The following CELSR3 variants were observed in gnomAD, a reference collection of about 807,000 sequenced individuals.
CELSR3 encodes cadherin EGF LAG seven-pass G-type receptor 3, also known as EGF-like protein 1.
CELSR3 carries 73 observed loss-of-function variants against 270.0 expected under a neutral mutation model. That is an observed-to-expected ratio of 0.27 (90% CI 0.22 to 0.33). The LOEUF is 0.33. Among genes scored for constraint, CELSR3 ranks in the 10% least tolerant of loss-of-function variants. The pLI is 1.00. For synonymous variants in CELSR3, 1,780 were observed against 1,905.4 expected (o/e 0.93, Z 1.71); for missense variants, 3,614 against 4,533.8 (o/e 0.80, Z 5.83).
At position 48,655,411 on chromosome 3, in the gene CELSR3, T is replaced by TGTGGAATCATCAGGAGCA. The variant is rs773741438; in HGVS notation, c.4742-35_4742-18dup. 1.9e-6 allele frequency: 3 copies of TGTGGAATCATCAGGAGCA among 1,613,454 alleles called. No homozygotes were observed. The highest frequency in any genetic ancestry group is 2.7e-5 in the African/African-American group (2 of 75,006). ...TGGATTCACCTGGAGGGGAGATGCATGTGGAATCATCAGGAGCAGCGGAGT... is the reference window on the plus strand; with the variant it reads ...TGGATTCACCTGGAGGGGAGATGCATGTGGAATCATCAGGAGCAGTGGAATCATCAGGAGCAGCGGAGT... On this transcript the variant is annotated splice_polypyrimidine_tract_variant and intron_variant, in intron 4 of 34. Transcript: ENST00000164024. This position sits in a 1 kb window ranked among gnomAD's most constrained non-coding sequence, Gnocchi z 5.8.
Position 48,644,602 on chromosome 3 carries a change from C to T in CELSR3, c.8085+114G>A, listed in dbSNP as rs1163960640. The T allele has an allele frequency of 4.9e-6, 4 of 824,684 alleles. No homozygotes were observed. The highest frequency in any genetic ancestry group is 3.4e-5 in the African/African-American group (2 of 58,230). 51.1% of individuals were successfully genotyped at this position (824,684 alleles called of 1,614,324 possible). A position where few individuals can be genotyped will look rare whatever the true frequency, so the allele number is the denominator to read the frequency against. ...ACCAGAGGACAGAAAAAATGAAGGC[C>T]GAGCCCAGGAAGCCTGCAGAATGCC... On this transcript the variant is annotated intron_variant, in intron 26 of 34. Transcript: ENST00000164024. The surrounding 1 kb of genome is among the most constrained non-coding windows in gnomAD (Gnocchi z 4.8).
Position 48,641,950 on chromosome 3 carries a change from G to T in CELSR3, c.8725C>A (p.Pro2909Thr). Residue 2909 changes from proline to threonine, a missense_variant, in exon 32 of 35, where the codon CCA becomes ACA. Physicochemically the swap from Pro to Thr is conservative, Grantham distance 38. Transcript: ENST00000164024. This position sits in a 1 kb window ranked among gnomAD's most constrained non-coding sequence, Gnocchi z 4.8. ...CCATTGTCCTCGCTTTCTGAAGATG[G>T]AATGGAGAGACTCCTCTCCTCCTCC... ...SLEEERSLSI[P>T]SSESEDNGRT... 1.9e-6 allele frequency: 3 copies of T among 1,600,936 alleles called. 1 individual carries two copies. Among genetic ancestry groups the T allele is most frequent in the South Asian group, 2.2e-5 (2 of 89,368 alleles).
chr3:48,645,411 A>T lies in CELSR3; in HGVS notation c.7797+32T>A. On this transcript the variant is annotated intron_variant, in intron 24 of 34. Transcript: ENST00000164024. The surrounding 1 kb of genome is among the most constrained non-coding windows in gnomAD (Gnocchi z 5.4). ...GGCCTCCTGGGCCAGTAGGGTCATC[A>T]GGACACAAGTTCCCTGGCCCTGATC... The T allele has an allele frequency of 6.8e-6, 11 of 1,611,696 alleles. No homozygotes were observed. The highest frequency in any genetic ancestry group is 9.3e-6 in the Non-Finnish European group (11 of 1,178,936).
In CELSR3 at chr3:48,652,026, G is replaced by T. The variant is rs768711951; in HGVS notation, c.5774C>A (p.Pro1925His). 1 of 1,564,114 alleles carries T rather than the reference G, an allele frequency of 6.4e-7. No homozygotes were observed. Among genetic ancestry groups the T allele is most frequent in the Non-Finnish European group, 8.6e-7 (1 of 1,159,288 alleles). The change falls in exon 12 of 35, where the codon CCC becomes CAC. Residue 1925 changes from proline to histidine, a missense_variant. By Grantham distance (77) the Pro-to-His change is moderately conservative. Transcript: ENST00000164024. The surrounding 1 kb of genome is among the most constrained non-coding windows in gnomAD (Gnocchi z 4.3). ...GGGTAGCAGGGCCGGGGAGCCAGAGGGTGTGGAGCCGAGCCACACCCCCTG... is the reference window on the plus strand; with the variant it reads ...GGGTAGCAGGGCCGGGGAGCCAGAGTGTGTGGAGCCGAGCCACACCCCCTG... The part of the protein sequence containing the change: ...CIQGVWLGST[P>H]SGSPALLPPS...
At position 48,661,045 on chromosome 3, in the gene CELSR3, G is replaced by C. The variant is rs572369761; in HGVS notation, c.1590C>G (p.Arg530=). The part of the protein sequence containing the change: ...QEPGPRSATV[R]VHITVLDEND... ...TCTCGTCTAGCACAGTTATGTGTAC[G>C]CGCACAGTGGCCGAGCGCGGCCCGG... Residue 530 remains arginine, a synonymous_variant, in exon 1 of 35, where the codon CGC becomes CGG. Coordinates refer to ENST00000164024, the MANE Select transcript of CELSR3 (RefSeq NM_001407.3). 7.8e-5 allele frequency: 126 copies of C among 1,613,672 alleles called. No individual in the cohort carries two copies. In the Middle Eastern group the frequency reaches 3.0e-3, roughly 38 times the overall value.
Position 48,662,586 on chromosome 3 carries a change from G to A in CELSR3, c.49C>T (p.Pro17Ser), listed in dbSNP as rs770440374. The change falls in exon 1 of 35, where the codon CCC (proline) becomes TCC (serine). Residue 17 changes from proline to serine, a missense_variant. Physicochemically the swap from Pro to Ser is moderately conservative, Grantham distance 74 (BLOSUM62 -1). Transcript: ENST00000164024. The surrounding 1 kb of genome is among the most constrained non-coding windows in gnomAD (Gnocchi z 7.1). ...GAGAGGAGAAGGAGCAGGAGTATGGGGGTCGACCGTCCCCCGAGGCCCCGC... is the reference window on the plus strand; with the variant it reads ...GAGAGGAGAAGGAGCAGGAGTATGGAGGTCGACCGTCCCCCGAGGCCCCGC... ...PWRGLGGRST[P>S]ILLLLLLSLF... is the part of the protein sequence containing the mutation. 3.4e-5 allele frequency: 52 copies of A among 1,511,728 alleles called. No homozygotes were observed. In the Admixed American group the frequency reaches 5.6e-4, roughly 16 times the overall value. 93.6% of individuals were successfully genotyped at this position (1,511,728 alleles called of 1,614,324 possible).
At position 48,653,075 on chromosome 3, in the gene CELSR3, T is replaced by G. The variant is rs769503423; in HGVS notation, c.5561A>C (p.Glu1854Ala). The G allele has an allele frequency of 1.2e-6, 2 of 1,612,948 alleles. No individual in the cohort carries two copies. Among genetic ancestry groups the G allele is most frequent in the Admixed American group, 1.7e-5 (1 of 60,002 alleles). The change falls in exon 10 of 35, where the codon GAG becomes GCG. Residue 1854 changes from glutamate (E) to alanine (A), a missense_variant. Around this residue, in one of 7 missense-constraint regions of CELSR3, gnomAD observed 1,331 missense variants for 1,933.7 expected, o/e 0.69. Coordinates refer to ENST00000164024, the MANE Select transcript of CELSR3 (RefSeq NM_001407.3). This position sits in a 1 kb window ranked among gnomAD's most constrained non-coding sequence, Gnocchi z 6.5. ...SDGRWHDLRL[E>A]LQEEPGGRRG... is the part of the protein sequence containing the mutation. ...CCGGCCACCTGGTTCCTCCTGCAAC[T>G]CCAGCCGCAGATCGTGCCACCGGCC...
chr3:48,646,040 G>C lies in CELSR3; in HGVS notation c.7463+50C>G. On this transcript the variant is annotated intron_variant, in intron 22 of 34. Transcript: ENST00000164024. The surrounding 1 kb of genome is among the most constrained non-coding windows in gnomAD (Gnocchi z 4.8). ...AGGGGAAGGCTGGGACTATTAGTTG[G>C]CCTCCCAAGGGCTAACGGGACCAAG... The C allele has an allele frequency of 6.3e-7, 1 of 1,599,942 alleles. No individual in the cohort carries two copies. Among genetic ancestry groups the C allele is most frequent in the South Asian group, 1.1e-5 (1 of 90,614 alleles).
rs2077051330 is a variant in CELSR3 at position 48,659,596 on chromosome 3, C to T, written c.3039G>A (p.Glu1013=). Residue 1013 remains glutamate, a synonymous_variant, in exon 1 of 35, where the codon GAG becomes GAA. Coordinates refer to ENST00000164024, the MANE Select transcript of CELSR3 (RefSeq NM_001407.3). The surrounding 1 kb of genome is among the most constrained non-coding windows in gnomAD (Gnocchi z 8.1). Reference sequence around the variant, plus strand: ...CTGTACGGACAATTCCAGAGGTGGGCTCAATGGTAAAATCTCCATCCCCAT... The same window carrying T: ...CTGTACGGACAATTCCAGAGGTGGGTTCAATGGTAAAATCTCCATCCCCAT... ...GEDGDGDFTI[E]PTSGIVRTVR... 3.1e-6 allele frequency: 5 copies of T among 1,614,202 alleles called. No homozygotes were observed. The highest frequency in any genetic ancestry group is 1.3e-5 in the African/African-American group (1 of 75,050).
At position 48,644,550 on chromosome 3, in the gene CELSR3, A is replaced by G. The variant is rs975809136; in HGVS notation, c.8085+166T>C. Reference sequence around the variant, plus strand: ...TCTCTGACCCCGCGCCCCCATCTCCATGCCAGTTGAATGGGGGTGGCTACT... The same window carrying G: ...TCTCTGACCCCGCGCCCCCATCTCCGTGCCAGTTGAATGGGGGTGGCTACT... On this transcript the variant is annotated intron_variant, in intron 26 of 34. Transcript: ENST00000164024. This position sits in a 1 kb window ranked among gnomAD's most constrained non-coding sequence, Gnocchi z 4.8. 6.6e-6 allele frequency among the ~76,000 whole-genome samples: 1 copy of G among 152,120 alleles called. No individual in the cohort carries two copies. Among genetic ancestry groups the G allele is most frequent in the Non-Finnish European group, 1.5e-5 (1 of 68,008 alleles).
chr3:48,650,372 C>G lies in CELSR3; in HGVS notation c.6472+108G>C. ...ACATGGACTCCCACCCCACTTCCACCTCTTTGCAGGAACAAAGCCACCCAA... is the reference window on the plus strand; with the variant it reads ...ACATGGACTCCCACCCCACTTCCACGTCTTTGCAGGAACAAAGCCACCCAA... On this transcript the variant is annotated intron_variant, in intron 16 of 34. Transcript: ENST00000164024. This position sits in a 1 kb window ranked among gnomAD's most constrained non-coding sequence, Gnocchi z 5.1. 1.1e-6 allele frequency: 1 copy of G among 881,332 alleles called. No homozygotes were observed. Among genetic ancestry groups the G allele is most frequent in the Non-Finnish European group, 1.9e-6 (1 of 538,316 alleles). The allele number at this position is 881,332 out of a possible 1,614,324, so 54.6% of individuals were successfully genotyped here.
At position 48,641,312 on chromosome 3, in the gene CELSR3, C is replaced by A. The variant is rs2047024185; in HGVS notation, c.9025+12G>T. 5 of 1,579,098 alleles carry A rather than the reference C, an allele frequency of 3.2e-6. No individual in the cohort carries two copies. The highest frequency in any genetic ancestry group is 4.3e-6 in the Non-Finnish European group (5 of 1,150,626). On this transcript the variant is annotated intron_variant, in intron 33 of 34. Transcript: ENST00000164024. This position sits in a 1 kb window ranked among gnomAD's most constrained non-coding sequence, Gnocchi z 4.8. ...CGTGTCTGCGGTGTGGGCCAGGGCT[C>A]AGGGACTGTACCTTTCCTCTGGCGC...
rs992186529 is a variant in CELSR3, at chr3:48,656,223, C to G, written c.4542G>C (p.Glu1514Asp). 2.0e-5 allele frequency: 31 copies of G among 1,536,060 alleles called. No individual in the cohort carries two copies. The Admixed American group carries it at 3.5e-4, about 17-fold the overall frequency. Residue 1514 changes from glutamate (E) to aspartate (D), a missense_variant, in exon 3 of 35, where the codon GAG (glutamate) becomes GAC (aspartate). Physicochemically the swap from Glu to Asp is conservative, Grantham distance 45. This residue lies in a region of CELSR3 where 1,331 missense variants were observed against 1,933.7 expected (regional missense o/e 0.69). Transcript: ENST00000164024. ...AGGAFEGPRCEVAARSFPPSS... is the reference protein window; with the variant it reads ...AGGAFEGPRCDVAARSFPPSS... ...TGGGCGGGAAGGAGCGCGCAGCCAC[C>G]TCGCAGCGCGGGCCCTCGAAGGCGC...
Position 48,646,374 on chromosome 3 carries a change from G to C in CELSR3, c.7296-117C>G, listed in dbSNP as rs915107648. ...TGACCCAGGGTCTGGGATGTCCCCA[G>C]AGTGGAAGCTGTTTCTAAGAATCCC... On this transcript the variant is annotated intron_variant, in intron 21 of 34. Coordinates refer to ENST00000164024, the MANE Select transcript of CELSR3 (RefSeq NM_001407.3). This position sits in a 1 kb window ranked among gnomAD's most constrained non-coding sequence, Gnocchi z 4.8. 1.1e-5 allele frequency: 12 copies of C among 1,111,980 alleles called. No homozygotes were observed. Among genetic ancestry groups the C allele is most frequent in the South Asian group, 3.3e-5 (2 of 60,666 alleles). The allele number at this position is 1,111,980 out of a possible 1,614,324, so 68.9% of individuals were successfully genotyped here.
rs773541993 is a variant in CELSR3 at position 48,659,253 on chromosome 3, T to C, written c.3382A>G (p.Ile1128Val). 5.6e-6 allele frequency: 9 copies of C among 1,614,060 alleles called. No homozygotes were observed. The South Asian group carries it at 6.6e-5, about 12-fold the overall frequency. The change falls in exon 1 of 35, where the codon ATT becomes GTT. Residue 1128 changes from isoleucine to valine, a missense_variant. By Grantham distance (29) the Ile-to-Val change is conservative. Transcript: ENST00000164024. The surrounding 1 kb of genome is among the most constrained non-coding windows in gnomAD (Gnocchi z 8.1). ...TGGCGAGCCTCATAGTCTAGGTCAATGAGTGCCGTCAGTTCTCCAGAGAAG... is the reference window on the plus strand; with the variant it reads ...TGGCGAGCCTCATAGTCTAGGTCAACGAGTGCCGTCAGTTCTCCAGAGAAG... ...DIFSGELTAL[I>V]DLDYEARQEY... is the part of the protein sequence containing the mutation.
Position 48,644,332 on chromosome 3 carries a change from C to CAGAGAGAGAGAGAG in CELSR3, c.8086-51_8086-38dup. ...GCCAGACATGTGGGGCCGGGCAGGG[C>CAGAGAGAGAGAGAG]AGAGAGAGAGAGAGAGAGAGAGGCA... On this transcript the variant is annotated intron_variant, in intron 26 of 34. Transcript: ENST00000164024. The surrounding 1 kb of genome is among the most constrained non-coding windows in gnomAD (Gnocchi z 4.8). 6.8e-7 allele frequency: 1 copy of CAGAGAGAGAGAGAG among 1,472,382 alleles called. No homozygotes were observed. The highest frequency in any genetic ancestry group is 9.4e-7 in the Non-Finnish European group (1 of 1,059,418). The allele number at this position is 1,472,382 out of a possible 1,614,324, so 91.2% of individuals were successfully genotyped here.
intron 3 of CELSR3, 77 bp downstream of exon 3, chr3:48,656,063 G>C (rs1232647250): frequency 2.8e-6 from 4 of 1,420,650 alleles, no homozygotes; most frequent in East Asian, 5.0e-5. Flanking sequence ...ATGCCAGGAC[G>C]GGGCAGTCAG....
rs763972908 is a variant in CELSR3 at position 48,640,352 on chromosome 3, C to A, written c.9233G>T (p.Arg3078Leu). Reference protein sequence around the residue: ...SREQLDLLLRRQLSRERLEEA... With the variant: ...SREQLDLLLRLQLSRERLEEA... Reference sequence around the variant, plus strand: ...CTCTAGTCGCTCACGGCTCAGTTGCCGCCGGAGGAGCAGGTCCAGCTGTTC... The same window carrying A: ...CTCTAGTCGCTCACGGCTCAGTTGCAGCCGGAGGAGCAGGTCCAGCTGTTC... Residue 3078 changes from arginine to leucine, a missense_variant, in exon 34 of 35, where the codon CGG becomes CTG. Around this residue, in one of 7 missense-constraint regions of CELSR3, gnomAD observed 1,240 missense variants for 1,351.7 expected, o/e 0.92. Transcript: ENST00000164024. This position sits in a 1 kb window ranked among gnomAD's most constrained non-coding sequence, Gnocchi z 7.5. 1 of 1,612,600 alleles carries A rather than the reference C, an allele frequency of 6.2e-7. No homozygotes were observed. Among genetic ancestry groups the A allele is most frequent in the East Asian group, 2.2e-5 (1 of 44,866 alleles).
chr3:48,645,706 C>T lies in CELSR3; in HGVS notation c.7590+36G>A, dbSNP rs757943616. ...GGGCAGAATCCCCGTGTCCCTTTGA[C>T]CCCCCACTTCCTTGGGACACTGAAC... is the stretch of plus-strand genomic sequence containing the variant. On this transcript the variant is annotated intron_variant, in intron 23 of 34. Transcript: ENST00000164024. The surrounding 1 kb of genome is among the most constrained non-coding windows in gnomAD (Gnocchi z 5.4). 9 of 1,599,446 alleles carry T rather than the reference C, an allele frequency of 5.6e-6. No individual in the cohort carries two copies. Among genetic ancestry groups the T allele is most frequent in the African/African-American group, 5.4e-5 (4 of 74,712 alleles).
Sources: allele counts gnomAD v4.1 joint callset (sites outside exome capture counted in the v4.1 genomes callset), GRCh38; gene constraint gnomAD v4.1.1; regional missense constraint gnomAD v4.1.1; non-coding constraint Gnocchi (gnomAD v3.1); transcripts MANE v1.5; gene names NCBI Gene and HGNC (gene_info 2026-07-23, HGNC 2026-07-21).